The following KIFAP3 variants were observed in gnomAD, a reference collection of about 807,000 sequenced individuals.
The protein encoded by KIFAP3 is kinesin-associated protein 3.
Under a neutral mutation model 106.5 loss-of-function variants are expected in KIFAP3, and 68 were observed. The observed-to-expected ratio is 0.64, with a 90% CI of 0.53 to 0.78. The LOEUF (loss-of-function observed/expected upper bound fraction) is 0.78, where lower values mean the gene tolerates loss of function less well. Among genes scored for constraint, KIFAP3 ranks in the 30% least tolerant of loss-of-function variants. The probability of loss-of-function intolerance (pLI) is 0.00; values close to 1 mark genes in which losing one functional copy is unlikely to be tolerated. For missense variants in KIFAP3, 780 were observed against 941.8 expected (o/e 0.83, Z 2.25); for synonymous variants, 320 against 311.5 (o/e 1.03, Z -0.29).
At chr1:169,929,316 G>T (rs919641911) in intron 19 of KIFAP3, among the ~76,000 whole-genome samples, 2 of 152,046 alleles carry the variant, frequency 1.3e-5, no homozygotes, top group Non-Finnish European at 2.9e-5. Flanking sequence ...GTGAATGTTG[G>T]GTGCCTAAGA....
chr1:170,050,890 C>T (rs1422745842), intron 2 of KIFAP3, among the ~76,000 whole-genome samples: 1 of 152,094 alleles, frequency 6.6e-6, no homozygotes, highest in Non-Finnish European at 1.5e-5. Flanking sequence ...TGCAAAAACA[C>T]ACCAAAATAT....
At chr1:170,078,061 A>T (rs1023458575), upstream of KIFAP3, among the ~76,000 whole-genome samples, 2 of 152,176 alleles carry the variant, frequency 1.3e-5, no homozygotes, top group Non-Finnish European at 2.9e-5. Flanking sequence ...CTGTTCAGTT[A>T]TCTAAGAATA....
intron 19 of KIFAP3, among the ~76,000 whole-genome samples, chr1:169,933,205 T>C (rs1202768769): frequency 6.6e-6 from 1 of 152,012 alleles, no homozygotes; most frequent in Non-Finnish European, 1.5e-5. Context: ...AAAAGATTTA[T>C]AGTGGGCAGT....
intron 9 of KIFAP3, among the ~76,000 whole-genome samples, chr1:170,017,707 TC>T (rs1428256402): frequency 6.6e-6 from 1 of 152,234 alleles, no homozygotes; most frequent in African/African-American, 2.4e-5. Flanking sequence ...TCAGATGCGT[TC>T]CTAGACCAGG....
chr1:170,003,285 T>A (rs935211700), intron 10 of KIFAP3, among the ~76,000 whole-genome samples: 7 of 152,214 alleles, frequency 4.6e-5, no homozygotes, highest in African/African-American at 1.7e-4. Flanking sequence ...CTGTGGACCA[T>A]ACTTTGAGTA....
intron 19 of KIFAP3, among the ~76,000 whole-genome samples, chr1:169,929,388 T>C (rs1663332762): frequency 6.6e-6 from 1 of 152,090 alleles, no homozygotes; most frequent in East Asian, 1.9e-4. Flanking sequence ...CACTGAAAAA[T>C]GTAACATGCA....
At chr1:170,056,302 C>T (rs537022231) in intron 1 of KIFAP3, among the ~76,000 whole-genome samples, 4 of 152,222 alleles carry the variant, frequency 2.6e-5, no homozygotes, top group Admixed American at 2.0e-4. Flanking sequence ...AGGTTAGGTA[C>T]GCTGTATAGT....
chr1:170,019,869 C>T (rs1668718712), intron 9 of KIFAP3, among the ~76,000 whole-genome samples: 1 of 152,106 alleles, frequency 6.6e-6, no homozygotes, highest in East Asian at 1.9e-4. Context: ...AAAAATCATA[C>T]AGATTAGAAA....
At chr1:169,968,915 C>T (rs1022895783) in intron 17 of KIFAP3, among the ~76,000 whole-genome samples, 2 of 151,206 alleles carry the variant, frequency 1.3e-5, no homozygotes, top group African/African-American at 2.4e-5. Context: ...TAAATTCTAA[C>T]AAGTTGGAAA....
chr1:169,954,347 T>C (rs981107255), intron 18 of KIFAP3, among the ~76,000 whole-genome samples: 2 of 152,270 alleles, frequency 1.3e-5, no homozygotes, highest in Middle Eastern at 3.4e-3. Flanking sequence ...TTTGGCACTA[T>C]GTGAGTACAG....
intron 5 of KIFAP3, among the ~76,000 whole-genome samples, chr1:170,036,188 A>G (rs977897821): frequency 1.3e-5 from 2 of 152,134 alleles, no homozygotes; most frequent in African/African-American, 4.8e-5. Context: ...ATTATAAAGT[A>G]ATGACACTAG....
intron 16 of KIFAP3, among the ~76,000 whole-genome samples, chr1:169,973,123 A>ATGT (rs1553278139): frequency 7.8e-6 from 1 of 128,666 alleles, no homozygotes; most frequent in East Asian, 2.3e-4. Context: ...ATATATATAT[A>ATGT]AACAACACAA....
In KIFAP3 at chr1:169,982,116, AG is replaced by A. The variant is rs1666555100; in HGVS notation, c.1673-20del. 1.9e-6 allele frequency: 3 copies of A among 1,609,356 alleles called. No homozygotes were observed. On this transcript the variant is annotated intron_variant, in intron 14 of 19. Coordinates refer to ENST00000361580, the MANE Select transcript of KIFAP3 (RefSeq NM_014970.4). ...GCAGCACCTAGTGAAGTCAAACCAT[AG>A]AAAGTTTTCACTGAAATGTCCTGAT...
chr1:169,947,859 A>G (rs1571542171), intron 19 of KIFAP3, among the ~76,000 whole-genome samples: 1 of 151,610 alleles, frequency 6.6e-6, no homozygotes, highest in African/African-American at 2.4e-5. Flanking sequence ...AAAGTGAAGA[A>G]GTTTATGAAA....
intron 1 of KIFAP3, among the ~76,000 whole-genome samples, chr1:170,081,748 C>T (rs187291039): frequency 1.3e-5 from 2 of 152,298 alleles, no homozygotes; most frequent in East Asian, 1.9e-4. Flanking sequence ...AGGATAATCT[C>T]CCCATGTTAA....
At chr1:169,992,131 T>G (rs771916010) in intron 11 of KIFAP3, 24 bp downstream of exon 11, 18 of 1,169,544 alleles carry the variant, frequency 1.5e-5, no homozygotes, top group Non-Finnish European at 1.9e-5. Context: ...TAAATGTTTT[T>G]CATAAAACAC....
rs537421866 is a variant in KIFAP3 at position 169,962,418 on chromosome 1, A to G, written c.1984-1183T>C. Among the ~76,000 whole-genome samples, 41 of 152,286 alleles carry G rather than the reference A, an allele frequency of 2.7e-4. No homozygotes were observed. The East Asian group carries it at 7.7e-3, about 29-fold the overall frequency. On this transcript the variant is annotated intron_variant, in intron 17 of 19. Coordinates refer to ENST00000361580, the MANE Select transcript of KIFAP3 (RefSeq NM_014970.4). ...CTACTGAGTAGTGTATTGCTTTAACAATGGACAGCAGAAATGATAGCATGG... is the reference window on the plus strand; with the variant it reads ...CTACTGAGTAGTGTATTGCTTTAACGATGGACAGCAGAAATGATAGCATGG...
intron 8 of KIFAP3, among the ~76,000 whole-genome samples, chr1:170,027,841 T>C (rs1056553298): frequency 6.6e-6 from 1 of 151,846 alleles, no homozygotes; most frequent in Non-Finnish European, 1.5e-5. Flanking sequence ...AAAAAAAAAT[T>C]ACACCAAGGC....
intron 1 of KIFAP3, among the ~76,000 whole-genome samples, chr1:170,058,107 C>T (rs1670941216): frequency 6.6e-6 from 1 of 152,044 alleles, no homozygotes; most frequent in Admixed American, 6.6e-5. Flanking sequence ...CCTTATGTTC[C>T]TAGATTTCAT....
Sources: gnomAD v4.1 joint callset for allele counts (sites outside exome capture counted in the v4.1 genomes callset) on GRCh38, gnomAD v4.1.1 for gene constraint, MANE v1.5 for transcripts, NCBI Gene and HGNC (gene_info 2026-07-23, HGNC 2026-07-21) for gene names.